Variants in SLIT1 observed in about 807,000 individuals in gnomAD.
SLIT1 encodes slit homolog 1 protein.
Under a neutral mutation model 186.1 loss-of-function variants are expected in SLIT1, and 66 were observed. That is an observed-to-expected ratio of 0.35 (90% CI 0.29 to 0.44). The LOEUF (loss-of-function observed/expected upper bound fraction) is 0.44. Among genes scored for constraint, SLIT1 ranks in the 20% least tolerant of loss-of-function variants. The pLI, the probability that SLIT1 is intolerant of heterozygous loss-of-function variation, is 1.00. For missense variants in SLIT1, 1,638 were observed against 2,037.4 expected (o/e 0.80, Z 3.77); for synonymous variants, 761 against 833.8 (o/e 0.91, Z 1.50).
At chr10:97,025,680 G>A (rs920089222) in intron 25 of SLIT1, among the ~76,000 whole-genome samples, 1 of 152,304 alleles carries the variant, frequency 6.6e-6, no homozygotes, top group Non-Finnish European at 1.5e-5. Flanking sequence ...GTGGATTCAG[G>A]TTTATACCCC....
At chr10:97,112,781 G>T (rs1423510121) in intron 4 of SLIT1, among the ~76,000 whole-genome samples, 1 of 151,956 alleles carries the variant, frequency 6.6e-6, no homozygotes, top group East Asian at 1.9e-4. Flanking sequence ...TTCAACCTCT[G>T]CCCCTTGGCT....
chr10:97,137,512 A>G (rs1478354773), intron 4 of SLIT1, among the ~76,000 whole-genome samples: 2 of 152,308 alleles, frequency 1.3e-5, no homozygotes, highest in African/African-American at 4.8e-5. Flanking sequence ...TATCAAGAAA[A>G]ATACAAGCTT....
Position 97,002,766 on chromosome 10 carries a change from G to T in SLIT1, c.4092C>A (p.Cys1364Ter). ...PNATPGPMCH[C>*]EAGWVGLHCD... ...AGTGCAGGCCCACCCAGCCAGCCTCGCAGTGGCACATGGGCCCTGGGGTGG... is the reference window on the plus strand; with the variant it reads ...AGTGCAGGCCCACCCAGCCAGCCTCTCAGTGGCACATGGGCCCTGGGGTGG... The change falls in exon 35 of 37, where the codon TGC becomes TGA. Residue 1364 changes from cysteine to a stop codon, truncating the protein, a stop_gained. Transcript: ENST00000266058. LOFTEE classifies it high-confidence loss of function. 1 of 1,611,920 alleles carries T rather than the reference G, an allele frequency of 6.2e-7. No individual in the cohort carries two copies. The highest frequency in any genetic ancestry group is 8.5e-7 in the Non-Finnish European group (1 of 1,178,612).
At chr10:97,163,527 G>T in intron 2 of SLIT1, 76 bp from the exon 3 acceptor site, 1 of 1,281,698 alleles carries the variant, frequency 7.8e-7, no homozygotes, top group Non-Finnish European at 1.1e-6. Flanking sequence ...ACAACGGCGG[G>T]GCAGAGGCAA....
At position 97,043,149 on chromosome 10, in the gene SLIT1, C is replaced by A; in HGVS notation, c.1998-82G>T. The A allele has an allele frequency of 6.7e-7, 1 of 1,483,558 alleles. No individual in the cohort carries two copies. The highest frequency in any genetic ancestry group is 9.2e-7 in the Non-Finnish European group (1 of 1,086,624). 91.9% of individuals were successfully genotyped at this position (1,483,558 alleles called of 1,614,324 possible). ...GCAAACCCCTCCTGTACCACGGACA[C>A]AGGGCCACATGGCCACATGGCACTG... On this transcript the variant is annotated intron_variant, in intron 19 of 36. Transcript: ENST00000266058. The surrounding 1 kb of genome is among the most constrained non-coding windows in gnomAD (Gnocchi z 7.0).
Position 97,004,140 on chromosome 10 carries a change from C to T in SLIT1, c.3793G>A (p.Gly1265Arg), listed in dbSNP as rs764818906. Residue 1265 changes from glycine to arginine, a missense_variant, in exon 34 of 37, where the codon GGG becomes AGG. Gly to Arg is a moderately radical substitution (Grantham distance 125). Coordinates refer to ENST00000266058, the MANE Select transcript of SLIT1 (RefSeq NM_003061.3). This position sits in a 1 kb window ranked among gnomAD's most constrained non-coding sequence, Gnocchi z 5.1. ...DQMVNLSIDGGSPMTMDNFGK... is the reference protein window; with the variant it reads ...DQMVNLSIDGRSPMTMDNFGK... Reference sequence around the variant, plus strand: ...AAGTTGTCCATGGTCATGGGGCTCCCGCCATCAATGGAGAGATTCACCATC... The same window carrying T: ...AAGTTGTCCATGGTCATGGGGCTCCTGCCATCAATGGAGAGATTCACCATC... The T allele has an allele frequency of 8.1e-6, 13 of 1,613,820 alleles. No homozygotes were observed. Among genetic ancestry groups the T allele is most frequent in the Middle Eastern group, 3.3e-4 (2 of 6,082 alleles).
intron 4 of SLIT1, among the ~76,000 whole-genome samples, chr10:97,093,645 G>C (rs1462174798): frequency 1.3e-5 from 2 of 152,204 alleles, no homozygotes; most frequent in African/African-American, 4.8e-5. Flanking sequence ...GCTGACTCTG[G>C]AGCTGCCATA....
At chr10:97,051,103 G>A (rs954544171) in intron 13 of SLIT1, among the ~76,000 whole-genome samples, 7 of 152,154 alleles carry the variant, frequency 4.6e-5, no homozygotes, top group African/African-American at 1.4e-4. Flanking sequence ...AGGAAGAGAG[G>A]ACTGATTCTC....
Position 97,063,342 on chromosome 10 carries a change from G to A in SLIT1, c.793+113C>T, listed in dbSNP as rs564962513. The A allele has an allele frequency of 2.1e-5, 24 of 1,145,484 alleles. No homozygotes were observed. In the Admixed American group the frequency reaches 2.2e-4, roughly 10 times the overall value. The allele number at this position is 1,145,484 out of a possible 1,614,324, so 71.0% of individuals were successfully genotyped here. Reference sequence around the variant, plus strand: ...TGATGGGTGGGGCCAGGTGATGGGCGGGGTCAGGAGGTGATGGGCAGGCCA... The same window carrying A: ...TGATGGGTGGGGCCAGGTGATGGGCAGGGTCAGGAGGTGATGGGCAGGCCA... On this transcript the variant is annotated intron_variant, in intron 8 of 36. Coordinates refer to ENST00000266058, the MANE Select transcript of SLIT1 (RefSeq NM_003061.3).
Position 97,022,954 on chromosome 10 carries a change from C to T in SLIT1, c.2583-1541G>A, listed in dbSNP as rs1197032354. Among the ~76,000 whole-genome samples the T allele has an allele frequency of 6.6e-6, 1 of 152,166 alleles. No homozygotes were observed. Among genetic ancestry groups the T allele is most frequent in the South Asian group, 2.1e-4 (1 of 4,828 alleles). On this transcript the variant is annotated intron_variant, in intron 25 of 36. Transcript: ENST00000266058. This position sits in a 1 kb window ranked among gnomAD's most constrained non-coding sequence, Gnocchi z 4.2. ...TCTATCTCATTGTGTCCAACTGTTCCGCAATATCCCAGAGTGGATATCCCA... is the reference window on the plus strand; with the variant it reads ...TCTATCTCATTGTGTCCAACTGTTCTGCAATATCCCAGAGTGGATATCCCA...
At chr10:97,183,325 G>A (rs1850367104) in intron 1 of SLIT1, among the ~76,000 whole-genome samples, 2 of 152,140 alleles carry the variant, frequency 1.3e-5, no homozygotes, top group South Asian at 2.1e-4. Flanking sequence ...TCCTGGCTCC[G>A]AAACATTTGC....
intron 23 of SLIT1, among the ~76,000 whole-genome samples, chr10:97,032,767 T>A (rs1396548323): frequency 6.6e-6 from 1 of 152,110 alleles, no homozygotes; most frequent in African/African-American, 2.4e-5. Flanking sequence ...AGCAGACGAA[T>A]GGATGAGCAA....
At chr10:97,096,320 C>T (rs970607461) in intron 4 of SLIT1, among the ~76,000 whole-genome samples, 2 of 152,096 alleles carry the variant, frequency 1.3e-5, no homozygotes, top group African/African-American at 4.8e-5. Flanking sequence ...CTGCTTCCTG[C>T]CCCCACTCAC....
At chr10:97,031,395 T>TG (rs1848589299) in intron 24 of SLIT1, among the ~76,000 whole-genome samples, 1 of 152,148 alleles carries the variant, frequency 6.6e-6, no homozygotes, top group Non-Finnish European at 1.5e-5. Flanking sequence ...ATCTTGGGGG[T>TG]GACAGCAACC....
Position 97,047,800 on chromosome 10 carries a change from G to A in SLIT1, c.1524C>T (p.Asn508=). The A allele has an allele frequency of 6.2e-7, 1 of 1,614,104 alleles. No homozygotes were observed. The highest frequency in any genetic ancestry group is 8.5e-7 in the Non-Finnish European group (1 of 1,180,006). The part of the protein sequence containing the change: ...TEDYQLNSEC[N]SDVVCPHKCR... The stretch of plus-strand genomic sequence containing the variant: ...ACTTGTGGGGACAGACCACGTCGCT[G>A]TTGCACTCGCTGTTCAGCTGGTAAT... Residue 508 remains asparagine, a synonymous_variant, in exon 16 of 37, where the codon AAC becomes AAT. Transcript: ENST00000266058.
intron 1 of SLIT1, among the ~76,000 whole-genome samples, chr10:97,171,196 G>A (rs987729040): frequency 3.3e-5 from 5 of 152,168 alleles, no homozygotes; most frequent in Non-Finnish European, 7.3e-5. Flanking sequence ...AGTCAGACGG[G>A]GAAAACGGAG....
chr10:97,184,018 CCA>C lies in SLIT1; in HGVS notation c.197+1458_197+1459del, dbSNP rs36000443. The stretch of plus-strand genomic sequence containing the variant: ...ATTCACACACACACATACACATGCA[CCA>C]CACACACACACACACACACACACAC... On this transcript the variant is annotated intron_variant, in intron 1 of 36. Transcript: ENST00000266058. The surrounding 1 kb of genome is among the most constrained non-coding windows in gnomAD (Gnocchi z 4.4). Among the ~76,000 whole-genome samples the C allele has an allele frequency of 0.075, 10,687 of 142,474 alleles. 527 individuals are homozygous for C. Among genetic ancestry groups the C allele is most frequent in the African/African-American group, 0.14 (5,286 of 38,048 alleles). 93.5% of individuals were successfully genotyped at this position (142,474 alleles called of 152,430 possible).
intron 4 of SLIT1, among the ~76,000 whole-genome samples, chr10:97,123,733 T>C (rs1849580008): frequency 1.3e-5 from 2 of 149,196 alleles, no homozygotes. Flanking sequence ...GAGGTTGCAG[T>C]GAGCTCAGAT....
intron 4 of SLIT1, chr10:97,103,728 A>C (rs1361263842): frequency 6.6e-6 from 1 of 152,212 alleles, no homozygotes; most frequent in East Asian, 1.9e-4. Context: ...CTGGAAAAAA[A>C]CCTCACACAG....
Sources: allele counts gnomAD v4.1 joint callset (sites outside exome capture counted in the v4.1 genomes callset), GRCh38; gene constraint gnomAD v4.1.1; non-coding constraint Gnocchi (gnomAD v3.1); transcripts MANE v1.5; gene names NCBI Gene and HGNC (gene_info 2026-07-23, HGNC 2026-07-21).